The following IKZF1 variants were observed in gnomAD, a reference collection of about 807,000 sequenced individuals.
The protein encoded by IKZF1 is DNA-binding protein Ikaros.
In IKZF1, 10 loss-of-function variants were observed where a neutral mutation model predicts 51.7. The ratio of observed to expected loss-of-function variants is 0.19; its 90% confidence interval spans 0.12 to 0.33. IKZF1 has a LOEUF of 0.33. Among genes scored for constraint, IKZF1 ranks in the 10% least tolerant of loss-of-function variants. The pLI, the probability that IKZF1 is intolerant of heterozygous loss-of-function variation, is 1.00. For missense variants in IKZF1, 484 were observed against 707.5 expected (o/e 0.68, Z 3.58); for synonymous variants, 280 against 282.3 (o/e 0.99, Z 0.08).
chr7:50,331,418 T>G, intron 3 of IKZF1, among the ~76,000 whole-genome samples: 2 of 145,620 alleles, frequency 1.4e-5, no homozygotes, highest in African/African-American at 2.6e-5. Context: ...CAAGGAGAAA[T>G]GGTGAGAAGC....
At chr7:50,356,886 T>C (rs1460602373) in intron 3 of IKZF1, among the ~76,000 whole-genome samples, 4 of 151,628 alleles carry the variant, frequency 2.6e-5, no homozygotes, top group East Asian at 1.9e-4. Context: ...TCTCTGGATA[T>C]GGAGGGAAGG....
At chr7:50,325,686 A>G (rs920925061) in intron 2 of IKZF1, among the ~76,000 whole-genome samples, 3 of 151,996 alleles carry the variant, frequency 2.0e-5, no homozygotes, top group Admixed American at 2.0e-4. Flanking sequence ...GAGACAGGAG[A>G]ATGGCTTGAA....
intron 5 of IKZF1, 127 bp downstream of exon 5, chr7:50,382,834 C>CGGGTGTG: frequency 8.4e-7 from 1 of 1,184,634 alleles, no homozygotes; most frequent in African/African-American, 1.5e-5. Flanking sequence ...AGTCCTGCAT[C>CGGGTGTG]GGGTGTGAGC....
chr7:50,400,754 CTGTTTTT>C lies in IKZF1; in HGVS notation c.*140_*146del, dbSNP rs1205001939. On this transcript the variant is annotated 3_prime_UTR_variant, in exon 8 of 8. Coordinates refer to ENST00000331340, the MANE Select transcript of IKZF1 (RefSeq NM_006060.6). The surrounding 1 kb of genome is among the most constrained non-coding windows in gnomAD (Gnocchi z 5.4). ...GACAATGTTGTGTTTGGATTTGTAA[CTGTTTTT>C]TGTTTTTTGTTTGAGTTGGTTGATT... The C allele has an allele frequency of 4.8e-6, 6 of 1,256,944 alleles. No homozygotes were observed. Among genetic ancestry groups the C allele is most frequent in the African/African-American group, 4.6e-5 (3 of 65,640 alleles). 77.9% of individuals were successfully genotyped at this position (1,256,944 alleles called of 1,614,324 possible). A position where few individuals can be genotyped will look rare whatever the true frequency, so the allele number is the denominator to read the frequency against.
intron 7 of IKZF1, among the ~76,000 whole-genome samples, chr7:50,396,549 A>G (rs939431431): frequency 2.0e-5 from 3 of 152,154 alleles, no homozygotes; most frequent in Non-Finnish European, 4.4e-5. Flanking sequence ...GAGGGACTCT[A>G]TGGTCTGTGT....
At chr7:50,333,828 T>G (rs949750121) in intron 3 of IKZF1, among the ~76,000 whole-genome samples, 28 of 152,228 alleles carry the variant, frequency 1.8e-4, no homozygotes, top group Non-Finnish European at 3.7e-4. Flanking sequence ...AAATTCTATG[T>G]TATTCATCTT....
At position 50,400,895 on chromosome 7, in the gene IKZF1, T is replaced by G; in HGVS notation, c.*268T>G. 5 of 500,610 alleles carry G rather than the reference T, an allele frequency of 1.0e-5. No individual in the cohort carries two copies. Among genetic ancestry groups the G allele is most frequent in the Non-Finnish European group, 1.4e-5 (4 of 281,808 alleles). 31.0% of individuals were successfully genotyped at this position (500,610 alleles called of 1,614,324 possible). A position where few individuals can be genotyped will look rare whatever the true frequency, so the allele number is the denominator to read the frequency against. ...TGTTTCCCCAGACCGCTGGCTGAGA[T>G]TCCCTCACCTGTCGCTTCCTAGAAT... On this transcript the variant is annotated 3_prime_UTR_variant, in exon 8 of 8. Coordinates refer to ENST00000331340, the MANE Select transcript of IKZF1 (RefSeq NM_006060.6). The surrounding 1 kb of genome is among the most constrained non-coding windows in gnomAD (Gnocchi z 5.4).
intron 5 of IKZF1, among the ~76,000 whole-genome samples, chr7:50,383,470 C>T (rs1406418128): frequency 3.3e-5 from 5 of 152,204 alleles, no homozygotes; most frequent in African/African-American, 4.8e-5. Context: ...CCAGCAGTCC[C>T]ATAATTCTAC....
chr7:50,382,433 G>A (rs1243185395), intron 4 of IKZF1, 107 bp from the exon 5 acceptor site: 23 of 1,422,910 alleles, frequency 1.6e-5, no homozygotes, highest in Non-Finnish European at 4.6e-6. Context: ...CAAACCTGCA[G>A]CCGGTGGAAG....
chr7:50,401,147 A>C lies in IKZF1; in HGVS notation c.*520A>C. On this transcript the variant is annotated 3_prime_UTR_variant, in exon 8 of 8. Transcript: ENST00000331340. Reference sequence around the variant, plus strand: ...AGTGCCAAGACACAGCAGGGCCAACAACCTGTGCCCAGGCCAGCTTCGAGC... The same window carrying C: ...AGTGCCAAGACACAGCAGGGCCAACCACCTGTGCCCAGGCCAGCTTCGAGC... The C allele has an allele frequency of 4.1e-6, 1 of 244,228 alleles. No homozygotes were observed. Among genetic ancestry groups the C allele is most frequent in the South Asian group, 1.5e-4 (1 of 6,574 alleles). The allele number at this position is 244,228 out of a possible 1,614,324, so 15.1% of individuals were successfully genotyped here. A position where few individuals can be genotyped will look rare whatever the true frequency, so the allele number is the denominator to read the frequency against.
chr7:50,355,671 C>G (rs1301973050), intron 3 of IKZF1, among the ~76,000 whole-genome samples: 1 of 147,706 alleles, frequency 6.8e-6, no homozygotes, highest in African/African-American at 2.5e-5. Flanking sequence ...AAACAGTCCT[C>G]AGAAAGTCCC....
At chr7:50,372,157 GGA>G (rs1562852841) in intron 3 of IKZF1, among the ~76,000 whole-genome samples, 1 of 152,174 alleles carries the variant, frequency 6.6e-6, no homozygotes, top group Non-Finnish European at 1.5e-5. Flanking sequence ...CCTCCTAGCT[GGA>G]TAAGAGACCC....
intron 5 of IKZF1, among the ~76,000 whole-genome samples, chr7:50,386,024 G>C (rs1183388982): frequency 6.6e-6 from 1 of 152,084 alleles, no homozygotes; most frequent in African/African-American, 2.4e-5. Flanking sequence ...ATTTCTATTT[G>C]GATGCTCTTA....
chr7:50,367,927 G>A (rs79797934), intron 3 of IKZF1: 3 of 605,402 alleles, frequency 5.0e-6, no homozygotes, highest in South Asian at 2.0e-5. Flanking sequence ...TTAAAAAAAA[G>A]TAATGCTTTC....
Position 50,401,210 on chromosome 7 carries a change from G to T in IKZF1, c.*583G>T, listed in dbSNP as rs758721468. On this transcript the variant is annotated 3_prime_UTR_variant, in exon 8 of 8. Transcript: ENST00000331340. ...GGGCGGAGAGGCTGCACTTGTGAGA[G>T]AAAATACTATTTCAAGTCATATTCT... is the stretch of plus-strand genomic sequence containing the variant. The T allele has an allele frequency of 4.7e-5, 11 of 234,118 alleles. No individual in the cohort carries two copies. The highest frequency in any genetic ancestry group is 8.4e-5 in the Non-Finnish European group (10 of 119,030). The allele number at this position is 234,118 out of a possible 1,614,324, so 14.5% of individuals were successfully genotyped here. A position where few individuals can be genotyped will look rare whatever the true frequency, so the allele number is the denominator to read the frequency against.
In IKZF1 at chr7:50,401,010, A is replaced by T. The variant is rs933750133; in HGVS notation, c.*383A>T. The T allele has an allele frequency of 1.1e-3, 379 of 348,160 alleles. 2 individuals carry two copies. Among genetic ancestry groups the T allele is most frequent in the African/African-American group, 7.6e-3 (356 of 46,894 alleles). 21.6% of individuals were successfully genotyped at this position (348,160 alleles called of 1,614,324 possible). On this transcript the variant is annotated 3_prime_UTR_variant, in exon 8 of 8. Coordinates refer to ENST00000331340, the MANE Select transcript of IKZF1 (RefSeq NM_006060.6). ...GAAGGAGCGTGCTCTACCCTGTGCT[A>T]AGCACGGGGTTCGCGCACCAGGTGT... is the stretch of plus-strand genomic sequence containing the variant.
At chr7:50,386,311 G>A (rs1483525274) in intron 5 of IKZF1, among the ~76,000 whole-genome samples, 2 of 152,116 alleles carry the variant, frequency 1.3e-5, no homozygotes, top group Non-Finnish European at 2.9e-5. Flanking sequence ...GCAGCCACTA[G>A]CCACATGCAG....
Position 50,401,406 on chromosome 7 carries a change from TC to T in IKZF1, c.*782del. 4.4e-6 allele frequency: 1 copy of T among 226,826 alleles called. No individual in the cohort carries two copies. The highest frequency in any genetic ancestry group is 1.3e-3 in the Middle Eastern group (1 of 742). 14.1% of individuals were successfully genotyped at this position (226,826 alleles called of 1,614,324 possible). On this transcript the variant is annotated 3_prime_UTR_variant, in exon 8 of 8. Coordinates refer to ENST00000331340, the MANE Select transcript of IKZF1 (RefSeq NM_006060.6). ...GCTGCCCCGTAGGAGGAGACTGTCT[TC>T]CCGTGGGCATATCTGGGGAGCCCTG...
rs1462532171 is a variant in IKZF1, at chr7:50,404,860, T to G, written c.*4233T>G. 4.5e-6 allele frequency: 1 copy of G among 222,376 alleles called. No homozygotes were observed. The highest frequency in any genetic ancestry group is 9.0e-6 in the Non-Finnish European group (1 of 111,234). The allele number at this position is 222,376 out of a possible 1,614,324, so 13.8% of individuals were successfully genotyped here. On this transcript the variant is annotated 3_prime_UTR_variant, in exon 8 of 8. Coordinates refer to ENST00000331340, the MANE Select transcript of IKZF1 (RefSeq NM_006060.6). ...GACGCTGTAAATCTTGAGTATTCAT[T>G]TACCCTTTTCTGATCTCCTGGAAAC...
Sources: allele counts gnomAD v4.1 joint callset (sites outside exome capture counted in the v4.1 genomes callset), GRCh38; gene constraint gnomAD v4.1.1; non-coding constraint Gnocchi (gnomAD v3.1); transcripts MANE v1.5; gene names NCBI Gene and HGNC (gene_info 2026-07-23, HGNC 2026-07-21).